Variants in ABCC5 observed in about 807,000 individuals in gnomAD.
ABCC5 encodes the protein ATP-binding cassette sub-family C member 5.
In ABCC5, 61 loss-of-function variants were observed where a neutral mutation model predicts 160.9. The observed-to-expected ratio is 0.38, with a 90% CI of 0.31 to 0.47. ABCC5 has a LOEUF of 0.47. Ranked by LOEUF, ABCC5 falls within the 20% of genes least tolerant of loss-of-function variation. The pLI is 0.99. For synonymous variants in ABCC5, 666 were observed against 700.6 expected (o/e 0.95, Z 0.78); for missense variants, 1,308 against 1,813.3 (o/e 0.72, Z 5.06).
At chr3:184,002,011 T>C (rs1004324872) in intron 2 of ABCC5, among the ~76,000 whole-genome samples, 3 of 152,130 alleles carry the variant, frequency 2.0e-5, no homozygotes, top group African/African-American at 7.2e-5. Context: ...ATCTTCCCCA[T>C]GACTATGTGA....
intron 2 of ABCC5, among the ~76,000 whole-genome samples, chr3:184,013,715 G>C (rs1159774044): frequency 2.0e-5 from 3 of 152,062 alleles, no homozygotes; most frequent in East Asian, 1.9e-4. Flanking sequence ...TTTTCAGAAG[G>C]CACCAACATA....
chr3:183,951,688 G>A lies in ABCC5; in HGVS notation c.2815-118C>T. The stretch of plus-strand genomic sequence containing the variant: ...CGGGGAGGTGTGAGGGGTCAGGAGG[G>A]ACAGGTGGCAAGTGAGAAAAGGTGG... On this transcript the variant is annotated intron_variant, in intron 19 of 29. Coordinates refer to ENST00000334444, the MANE Select transcript of ABCC5 (RefSeq NM_005688.4). This position sits in a 1 kb window ranked among gnomAD's most constrained non-coding sequence, Gnocchi z 4.7. The A allele has an allele frequency of 6.7e-7, 1 of 1,491,702 alleles. No individual in the cohort carries two copies. Among genetic ancestry groups the A allele is most frequent in the Non-Finnish European group, 9.1e-7 (1 of 1,103,336 alleles). The allele number at this position is 1,491,702 out of a possible 1,614,324, so 92.4% of individuals were successfully genotyped here.
At chr3:184,003,270 A>T (rs1485334276) in intron 2 of ABCC5, among the ~76,000 whole-genome samples, 1 of 152,154 alleles carries the variant, frequency 6.6e-6, no homozygotes, top group Non-Finnish European at 1.5e-5. Context: ...TCAAAAACTG[A>T]TGTCCTCCCA....
chr3:183,938,154 C>T (rs1713929232), intron 25 of ABCC5, 94 bp from the exon 26 acceptor site: 10 of 1,240,390 alleles, frequency 8.1e-6, no homozygotes, highest in Non-Finnish European at 1.0e-5. Context: ...ACTATTTTTC[C>T]ATTTCTATTC....
chr3:183,969,083 TGA>T lies in ABCC5; in HGVS notation c.1762-1319_1762-1318del, dbSNP rs1326567159. ...TTACATGAGAAAAATGCTATTCTTA[TGA>T]TTAAATGATGACTAAATGAGACATC... On this transcript the variant is annotated intron_variant, in intron 11 of 29. Coordinates refer to ENST00000334444, the MANE Select transcript of ABCC5 (RefSeq NM_005688.4). Among the ~76,000 whole-genome samples, 5 of 152,340 alleles carry T rather than the reference TGA, an allele frequency of 3.3e-5. No homozygotes were observed. In the South Asian group the frequency reaches 8.3e-4, roughly 25 times the overall value.
intron 2 of ABCC5, among the ~76,000 whole-genome samples, chr3:184,004,527 A>T (rs1296412905): frequency 2.1e-5 from 3 of 143,934 alleles, no homozygotes; most frequent in East Asian, 2.1e-4. Context: ...AAAAAAAAAA[A>T]GGCCAAAATA....
rs1713908780 is a variant in ABCC5 at position 183,937,956 on chromosome 3, G to A, written c.3799C>T (p.Arg1267Ter). 2.5e-6 allele frequency: 4 copies of A among 1,614,180 alleles called. No individual in the cohort carries two copies. The highest frequency in any genetic ancestry group is 1.1e-5 in the South Asian group (1 of 91,070). ...TGAGGAATGATAGAGAGTTTGCTTCGGAGGTCGGCAAGGCCAATATCACTG... is the reference window on the plus strand; with the variant it reads ...TGAGGAATGATAGAGAGTTTGCTTCAGAGGTCGGCAAGGCCAATATCACTG... ...RISDIGLADL[R>*]SKLSIIPQEP... The change falls in exon 26 of 30, where the codon CGA (arginine) becomes TGA (stop). Residue 1267 changes from arginine (R) to a stop codon, truncating the protein, a stop_gained. Coordinates refer to ENST00000334444, the MANE Select transcript of ABCC5 (RefSeq NM_005688.4). LOFTEE classifies it high-confidence loss of function.
chr3:183,986,946 T>A (rs1719272224), intron 5 of ABCC5: 1 of 152,062 alleles, frequency 6.6e-6, no homozygotes, highest in Non-Finnish European at 1.5e-5. Flanking sequence ...GTTAAAAAAA[T>A]AAAAACAAAA....
rs1245915277 is a variant in ABCC5, at chr3:184,017,834, G to A, written c.-60C>T. 6.6e-6 allele frequency: 1 copy of A among 152,466 alleles called. No individual in the cohort carries two copies. Among genetic ancestry groups the A allele is most frequent in the Non-Finnish European group, 1.5e-5 (1 of 68,240 alleles). The allele number at this position is 152,466 out of a possible 1,614,324, so 9.4% of individuals were successfully genotyped here. On this transcript the variant is annotated 5_prime_UTR_variant, in exon 1 of 30. Coordinates refer to ENST00000334444, the MANE Select transcript of ABCC5 (RefSeq NM_005688.4). This position sits in a 1 kb window ranked among gnomAD's most constrained non-coding sequence, Gnocchi z 4.5. ...GCGGCAGCAGCCATCACCTACCTGC[G>A]CCCCTGCTCCAGGACAACCGCGCCA... is the stretch of plus-strand genomic sequence containing the variant.
chr3:183,944,497 A>G (rs1304337977), intron 24 of ABCC5, among the ~76,000 whole-genome samples: 5 of 152,138 alleles, frequency 3.3e-5, no homozygotes, highest in Non-Finnish European at 5.9e-5. Flanking sequence ...CTCAGAATAT[A>G]CTCTTCACAT....
chr3:184,014,400 G>A lies in ABCC5; in HGVS notation c.-8C>T. 4.4e-6 allele frequency: 7 copies of A among 1,607,994 alleles called. No homozygotes were observed. The highest frequency in any genetic ancestry group is 5.9e-6 in the Non-Finnish European group (7 of 1,177,666). Reference sequence around the variant, plus strand: ...TATGTCGATATCCTTCATCTTCTCTGAGTGGAGGTTCCAGGGCTCACAGAC... The same window carrying A: ...TATGTCGATATCCTTCATCTTCTCTAAGTGGAGGTTCCAGGGCTCACAGAC... On this transcript the variant is annotated 5_prime_UTR_variant, in exon 2 of 30. Transcript: ENST00000334444.
At chr3:183,937,114 C>T (rs982056000) in intron 26 of ABCC5, among the ~76,000 whole-genome samples, 2 of 152,236 alleles carry the variant, frequency 1.3e-5, no homozygotes, top group South Asian at 2.1e-4. Flanking sequence ...CAGTGGCTCG[C>T]GCCTGTAATC....
At chr3:183,984,359 T>A in intron 5 of ABCC5, 1 of 986,042 alleles carries the variant, frequency 1.0e-6, no homozygotes, top group Non-Finnish European at 1.2e-6. Context: ...AAAATTGATG[T>A]GAAGCCCATC....
chr3:183,966,297 T>C (rs1406324418), intron 12 of ABCC5, among the ~76,000 whole-genome samples: 1 of 152,198 alleles, frequency 6.6e-6, no homozygotes, highest in Admixed American at 6.5e-5. Context: ...ACTGGTAGCA[T>C]TCTGATGTGC....
chr3:183,934,124 G>T (rs572960668), intron 26 of ABCC5, among the ~76,000 whole-genome samples: 1 of 152,286 alleles, frequency 6.6e-6, no homozygotes, highest in African/African-American at 2.4e-5. Flanking sequence ...TGGCCAACAT[G>T]GTGAAACCCC....
In ABCC5 at chr3:183,921,961, G is replaced by A. The variant is rs1712020580; in HGVS notation, c.4213-560C>T. Reference sequence around the variant, plus strand: ...CAGGAGAATCGCTTGAACCCAGGAGGTGGAGGTTGCAGTGAACTGAGATTG... The same window carrying A: ...CAGGAGAATCGCTTGAACCCAGGAGATGGAGGTTGCAGTGAACTGAGATTG... On this transcript the variant is annotated intron_variant, in intron 29 of 29. Transcript: ENST00000334444. The surrounding 1 kb of genome is among the most constrained non-coding windows in gnomAD (Gnocchi z 4.1). Among the ~76,000 whole-genome samples, 1 of 151,986 alleles carries A rather than the reference G, an allele frequency of 6.6e-6. No individual in the cohort carries two copies. The highest frequency in any genetic ancestry group is 2.1e-4 in the South Asian group (1 of 4,800).
rs1577544268 is a variant in ABCC5 at position 183,963,704 on chromosome 3, C to T, written c.2032-116G>A. 2.9e-5 allele frequency: 25 copies of T among 873,276 alleles called. No individual in the cohort carries two copies. Among genetic ancestry groups the T allele is most frequent in the South Asian group, 1.6e-4 (10 of 60,634 alleles). 54.1% of individuals were successfully genotyped at this position (873,276 alleles called of 1,614,324 possible). A position where few individuals can be genotyped will look rare whatever the true frequency, so the allele number is the denominator to read the frequency against. On this transcript the variant is annotated intron_variant, in intron 14 of 29. Coordinates refer to ENST00000334444, the MANE Select transcript of ABCC5 (RefSeq NM_005688.4). The surrounding 1 kb of genome is among the most constrained non-coding windows in gnomAD (Gnocchi z 4.6). ...AGACCAGCTCCTTCTGTCAATTCCC[C>T]GCAGATGAACTGCCATGCTGATTCC...
intron 2 of ABCC5, among the ~76,000 whole-genome samples, chr3:184,009,574 T>C (rs1721523132): frequency 6.6e-6 from 1 of 152,206 alleles, no homozygotes; most frequent in African/African-American, 2.4e-5. Flanking sequence ...ACTTGTAACA[T>C]GAAGACAAGT....
At chr3:183,932,727 G>C (rs1039292628) in intron 26 of ABCC5, among the ~76,000 whole-genome samples, 15 of 152,208 alleles carry the variant, frequency 9.9e-5, no homozygotes, top group African/African-American at 3.1e-4. Context: ...ACTTTGGGAG[G>C]CAGAGGTGGG....
Sources: gnomAD v4.1 joint callset for allele counts (sites outside exome capture counted in the v4.1 genomes callset) on GRCh38, gnomAD v4.1.1 for gene constraint, Gnocchi (gnomAD v3.1) non-coding constraint, MANE v1.5 for transcripts, NCBI Gene and HGNC (gene_info 2026-07-23, HGNC 2026-07-21) for gene names.